CASD1: variants seen among roughly 807,000 people sequenced by gnomAD.
The protein encoded by CASD1 is N-acetylneuraminate (7)9-O-acetyltransferase.
A neutral mutation model predicts 100.0 loss-of-function variants in CASD1; 41 were observed. The observed-to-expected ratio is 0.41, with a 90% CI of 0.32 to 0.53. CASD1 has a LOEUF of 0.53. Ranked by LOEUF, CASD1 falls within the 20% of genes least tolerant of loss-of-function variation. CASD1 has a pLI of 0.25. For missense variants in CASD1, 774 were observed against 948.7 expected (o/e 0.82, Z 2.42); for synonymous variants, 321 against 315.6 (o/e 1.02, Z -0.18).
At chr7:94,523,144 A>G (rs1794376910) in intron 3 of CASD1, among the ~76,000 whole-genome samples, 2 of 152,198 alleles carry the variant, frequency 1.3e-5, no homozygotes, top group Admixed American at 1.3e-4. Context: ...AAATCAGGAA[A>G]AAGACAAAGG....
At position 94,555,725 on chromosome 7, in the gene CASD1, C is replaced by T. The variant is rs1796171236; in HGVS notation, c.2361C>T (p.Ile787=). ...CIAAFFCGLL[I]LSSIQDKSKH Reference sequence around the variant, plus strand: ...CTGCATTTTTTTGTGGACTCCTCATCTTATCATCCATTCAAGATAAATCAA... The same window carrying T: ...CTGCATTTTTTTGTGGACTCCTCATTTTATCATCCATTCAAGATAAATCAA... Residue 787 remains isoleucine, a synonymous_variant, in exon 18 of 18, where the codon ATC becomes ATT. Coordinates refer to ENST00000297273, the MANE Select transcript of CASD1 (RefSeq NM_022900.5). 3 of 1,612,926 alleles carry T rather than the reference C, an allele frequency of 1.9e-6. No individual in the cohort carries two copies. Among genetic ancestry groups the T allele is most frequent in the Admixed American group, 1.7e-5 (1 of 59,902 alleles).
At chr7:94,600,758 T>C in the CASD1 span, 2 of 1,613,734 alleles carry the variant, frequency 1.2e-6, no homozygotes, top group African/African-American at 1.3e-5. Flanking sequence ...TCTCTGCTTT[T>C]CAAAGAATCA....
the CASD1 span, among the ~76,000 whole-genome samples, chr7:94,606,747 A>C: frequency 6.6e-6 from 1 of 152,342 alleles, no homozygotes; most frequent in Middle Eastern, 3.4e-3. Flanking sequence ...AAAGGAATGG[A>C]AATCATACAC....
intron 3 of CASD1, among the ~76,000 whole-genome samples, chr7:94,520,252 A>G (rs1794193891): frequency 1.3e-5 from 2 of 152,216 alleles, no homozygotes; most frequent in African/African-American, 4.8e-5. Context: ...ATTTTTAAAT[A>G]TATTTCTTGT....
chr7:94,609,990 G>A, the CASD1 span, among the ~76,000 whole-genome samples: 3 of 152,166 alleles, frequency 2.0e-5, no homozygotes, highest in African/African-American at 7.2e-5. Flanking sequence ...TAATTAAACC[G>A]TGGTACATCC....
intron 5 of CASD1, among the ~76,000 whole-genome samples, chr7:94,531,271 A>T (rs1199105665): frequency 6.6e-6 from 1 of 152,094 alleles, no homozygotes; most frequent in East Asian, 1.9e-4. Context: ...TCCAGAAGTG[A>T]AAAGGGAGGA....
rs748744522 is a variant in CASD1 at position 94,545,605 on chromosome 7, C to G, written c.1537C>G (p.Gln513Glu). The change falls in exon 12 of 18, where the codon CAA becomes GAA. Residue 513 changes from glutamine (Q) to glutamate (E), a missense_variant. Physicochemically the swap from Gln to Glu is conservative, Grantham distance 29. Transcript: ENST00000297273. ...VLCIVMDRPY[Q>E]FYYFVPLVTV... ...ATGTATAGTAATGGATCGACCTTATCAATTCTATTACTTTGTCCCCTTGGT... is the reference window on the plus strand; with the variant it reads ...ATGTATAGTAATGGATCGACCTTATGAATTCTATTACTTTGTCCCCTTGGT... 24 of 1,608,800 alleles carry G rather than the reference C, an allele frequency of 1.5e-5. No homozygotes were observed. Among genetic ancestry groups the G allele is most frequent in the Non-Finnish European group, 1.9e-5 (22 of 1,175,714 alleles).
chr7:94,590,892 C>T, the CASD1 span: 16 of 152,156 alleles, frequency 1.1e-4, no homozygotes, highest in African/African-American at 3.1e-4. Flanking sequence ...GAAAACAGTG[C>T]GTGCTAGTTA....
At chr7:94,632,724 C>T in the CASD1 span, among the ~76,000 whole-genome samples, 5 of 152,072 alleles carry the variant, frequency 3.3e-5, no homozygotes, top group Non-Finnish European at 5.9e-5. Context: ...CTTTCCCTTT[C>T]GCATTTGTTA....
chr7:94,554,636 C>T (rs1426452299), intron 17 of CASD1, 61 bp downstream of exon 17: 31 of 1,037,532 alleles, frequency 3.0e-5, no homozygotes, highest in Non-Finnish European at 4.0e-5. Flanking sequence ...TGTGTATGTA[C>T]GTGTGTGTGT....
chr7:94,603,505 A>G, the CASD1 span: 1 of 1,535,060 alleles, frequency 6.5e-7, no homozygotes, highest in South Asian at 1.1e-5. Flanking sequence ...GAAAACACTA[A>G]AAAACAATCC....
intron 3 of CASD1, among the ~76,000 whole-genome samples, chr7:94,523,432 G>A (rs1163465293): frequency 1.3e-5 from 2 of 152,112 alleles, no homozygotes; most frequent in Non-Finnish European, 2.9e-5. Flanking sequence ...AAGTTCTAAA[G>A]GCTTTTAAAA....
In CASD1 at chr7:94,522,893, C is replaced by G. The variant is rs540995363; in HGVS notation, c.352-4269C>G. On this transcript the variant is annotated intron_variant, in intron 3 of 17. Transcript: ENST00000297273. ...AGCCAGGATGGTCTCGATCTCCTGA[C>G]CTCGTGATCCACCCACCTCGGCCTC... Among the ~76,000 whole-genome samples, 26 of 152,240 alleles carry G rather than the reference C, an allele frequency of 1.7e-4. No individual in the cohort carries two copies. In the East Asian group the frequency reaches 4.8e-3, roughly 28 times the overall value.
chr7:94,536,267 T>C lies in CASD1; in HGVS notation c.843+744T>C, dbSNP rs540434459. Among the ~76,000 whole-genome samples the C allele has an allele frequency of 5.3e-5, 8 of 152,220 alleles. No individual in the cohort carries two copies. In the East Asian group the frequency reaches 9.7e-4, roughly 18 times the overall value. On this transcript the variant is annotated intron_variant, in intron 8 of 17. Coordinates refer to ENST00000297273, the MANE Select transcript of CASD1 (RefSeq NM_022900.5). The stretch of plus-strand genomic sequence containing the variant: ...CAAGAAAAGAAAAAAAGAATTCTTA[T>C]AGCTCTTCTATCCTAAGCATTATTC...
At chr7:94,575,002 TG>T in the CASD1 span, among the ~76,000 whole-genome samples, 1 of 152,088 alleles carries the variant, frequency 6.6e-6, no homozygotes, top group East Asian at 1.9e-4. Flanking sequence ...CCCCAATTCC[TG>T]GATTTGTTGA....
At chr7:94,622,605 G>T in the CASD1 span, 1 of 151,126 alleles carries the variant, frequency 6.6e-6, no homozygotes, top group Non-Finnish European at 1.5e-5. Flanking sequence ...CTCCAGCCTG[G>T]GTGACGAGAG....
chr7:94,530,519 T>C (rs898203005), intron 5 of CASD1, among the ~76,000 whole-genome samples: 5 of 152,150 alleles, frequency 3.3e-5, no homozygotes, highest in Admixed American at 2.0e-4. Flanking sequence ...GTGTATTTTC[T>C]GAAAATAAGT....
chr7:94,613,250 A>G, the CASD1 span, among the ~76,000 whole-genome samples: 1 of 152,226 alleles, frequency 6.6e-6, no homozygotes, highest in Non-Finnish European at 1.5e-5. Context: ...GCTTTTAAAA[A>G]TATGTAATTT....
intron 3 of CASD1, among the ~76,000 whole-genome samples, chr7:94,525,014 G>A (rs974151189): frequency 2.6e-5 from 4 of 152,094 alleles, no homozygotes; most frequent in Admixed American, 2.0e-4. Flanking sequence ...GTAAGAGAAC[G>A]TTCGTGTGGG....
Sources: allele counts gnomAD v4.1 joint callset (sites outside exome capture counted in the v4.1 genomes callset), GRCh38; gene constraint gnomAD v4.1.1; transcripts MANE v1.5; gene names NCBI Gene and HGNC (gene_info 2026-07-23, HGNC 2026-07-21).